The following ZNF704 variants were observed in gnomAD, a reference collection of about 807,000 sequenced individuals.
ZNF704 encodes zinc finger protein 704, also known as glucocorticoid induced gene 1.
Under a neutral mutation model 44.7 loss-of-function variants are expected in ZNF704, and 10 were observed. That is an observed-to-expected ratio of 0.22 (90% CI 0.14 to 0.38). ZNF704 has a LOEUF of 0.38. Among genes scored for constraint, ZNF704 ranks in the 10% least tolerant of loss-of-function variants. The pLI is 1.00. For synonymous variants in ZNF704, 211 were observed against 207.6 expected (o/e 1.02, Z -0.14); for missense variants, 390 against 545.5 (o/e 0.71, Z 2.84).
chr8:80,653,104 G>A (rs1276514962), intron 7 of ZNF704, among the ~76,000 whole-genome samples: 5 of 152,056 alleles, frequency 3.3e-5, no homozygotes, highest in Admixed American at 6.6e-5. Flanking sequence ...AAAGGCCTTC[G>A]ACAAAATTCA....
At chr8:80,833,016 TTAA>T (rs1808494961) in intron 1 of ZNF704, among the ~76,000 whole-genome samples, 1 of 152,190 alleles carries the variant, frequency 6.6e-6, no homozygotes, top group African/African-American at 2.4e-5. Flanking sequence ...AAAACTGATA[TTAA>T]TAATAAAAAC....
intron 2 of ZNF704, among the ~76,000 whole-genome samples, chr8:80,707,003 C>T (rs1818909870): frequency 6.6e-6 from 1 of 152,116 alleles, no homozygotes; most frequent in Non-Finnish European, 1.5e-5. Flanking sequence ...AAAACTGCAT[C>T]TTCTTTCTCC....
chr8:80,672,044 G>C (rs532165575), intron 4 of ZNF704, among the ~76,000 whole-genome samples: 1 of 152,166 alleles, frequency 6.6e-6, no homozygotes, highest in South Asian at 2.1e-4. Context: ...AAATGCAAGT[G>C]TATTGAAATA....
At chr8:80,741,469 C>T (rs1183180799) in intron 2 of ZNF704, among the ~76,000 whole-genome samples, 1 of 152,168 alleles carries the variant, frequency 6.6e-6, no homozygotes, top group Non-Finnish European at 1.5e-5. Context: ...CAGGTAGTGG[C>T]AGCAGTAGCA....
intron 4 of ZNF704, among the ~76,000 whole-genome samples, chr8:80,679,893 G>T (rs563503229): frequency 6.6e-6 from 1 of 152,344 alleles, no homozygotes; most frequent in African/African-American, 2.4e-5. Context: ...CAACATTGAT[G>T]CTGTGGGCCA....
intron 2 of ZNF704, among the ~76,000 whole-genome samples, chr8:80,813,539 G>A (rs1808124712): frequency 6.6e-6 from 1 of 151,962 alleles, no homozygotes; most frequent in Non-Finnish European, 1.5e-5. Flanking sequence ...CATACTACAT[G>A]GGCCAAATTT....
At position 80,666,115 on chromosome 8, in the gene ZNF704, G is replaced by A. The variant is rs1215582946; in HGVS notation, c.660-1033C>T. ...ATCTCCCAACGCTATCCCTTCCCCC[G>A]CCCCCCACCCCACCACAGTCCCCAG... On this transcript the variant is annotated intron_variant, in intron 5 of 8. Coordinates refer to ENST00000327835, the MANE Select transcript of ZNF704 (RefSeq NM_001033723.3). Among the ~76,000 whole-genome samples, 6 of 95,324 alleles carry A rather than the reference G, an allele frequency of 6.3e-5. No individual in the cohort carries two copies. The Admixed American group carries it at 8.6e-4, about 14-fold the overall frequency. The allele number at this position is 95,324 out of a possible 152,430, so 62.5% of individuals were successfully genotyped here. A position where few individuals can be genotyped will look rare whatever the true frequency, so the allele number is the denominator to read the frequency against.
chr8:80,881,025 T>C, the ZNF704 span, among the ~76,000 whole-genome samples: 1 of 152,238 alleles, frequency 6.6e-6, no homozygotes, highest in African/African-American at 2.4e-5. Flanking sequence ...GCAGTATCTG[T>C]CATGCTTCTC....
intron 5 of ZNF704, among the ~76,000 whole-genome samples, chr8:80,670,028 G>C (rs575807295): frequency 6.6e-6 from 1 of 152,300 alleles, no homozygotes; most frequent in Non-Finnish European, 1.5e-5. Flanking sequence ...ATATATGCTT[G>C]TGAGGCTTAA....
chr8:80,829,010 T>C (rs1448868987), intron 1 of ZNF704, among the ~76,000 whole-genome samples: 1 of 152,144 alleles, frequency 6.6e-6, no homozygotes, highest in Admixed American at 6.5e-5. Context: ...TATACCCAGC[T>C]CCACAGGAAG....
chr8:80,671,730 A>C (rs1017629340), intron 4 of ZNF704, among the ~76,000 whole-genome samples: 3 of 152,288 alleles, frequency 2.0e-5, no homozygotes, highest in Middle Eastern at 3.4e-3. Flanking sequence ...ACACAGCTAG[A>C]CCTTGATTCC....
At chr8:80,756,032 C>G (rs1350691707) in intron 2 of ZNF704, among the ~76,000 whole-genome samples, 1 of 151,788 alleles carries the variant, frequency 6.6e-6, no homozygotes, top group Admixed American at 6.6e-5. Flanking sequence ...TGGCTTTAGC[C>G]TGGGAGAGCA....
At chr8:80,858,363 A>G (rs182116461) in intron 1 of ZNF704, among the ~76,000 whole-genome samples, 32 of 152,272 alleles carry the variant, frequency 2.1e-4, no homozygotes, top group African/African-American at 7.7e-4. Context: ...TTGATGATGC[A>G]TTTTCCTTTT....
intron 1 of ZNF704, among the ~76,000 whole-genome samples, chr8:80,873,361 G>A (rs1050904328): frequency 6.6e-6 from 1 of 152,052 alleles, no homozygotes; most frequent in African/African-American, 2.4e-5. Flanking sequence ...CAAGGCGCAG[G>A]CAAATCAACA....
chr8:80,838,689 A>G (rs1403320977), intron 1 of ZNF704, among the ~76,000 whole-genome samples: 1 of 144,544 alleles, frequency 6.9e-6, no homozygotes, highest in Non-Finnish European at 1.5e-5. Flanking sequence ...GAGGAGGAGG[A>G]GGGGAGCAGA....
In ZNF704 at chr8:80,704,580, C is replaced by T. The variant is rs149219399; in HGVS notation, c.222-11473G>A. Among the ~76,000 whole-genome samples, 11 of 152,250 alleles carry T rather than the reference C, an allele frequency of 7.2e-5. 1 individual carries two copies. The East Asian group carries it at 2.1e-3, about 29-fold the overall frequency. On this transcript the variant is annotated intron_variant, in intron 2 of 8. Transcript: ENST00000327835. ...GAGGGTTGGACTTCCGGGCACCGAC[C>T]CCGACCCCAACCTCTGGGGGTGGTG...
At chr8:80,756,108 C>CA (rs112305520) in intron 2 of ZNF704, among the ~76,000 whole-genome samples, 21,620 of 135,918 alleles carry the variant, frequency 0.16, 2,809 homozygotes, top group African/African-American at 0.36. Flanking sequence ...GACCTCGTCT[C>CA]AAAAAAAAAA....
chr8:80,750,897 C>T (rs576488610), intron 2 of ZNF704, among the ~76,000 whole-genome samples: 10 of 152,130 alleles, frequency 6.6e-5, no homozygotes, highest in South Asian at 2.1e-4. Context: ...GATGGCACAG[C>T]GCTGAAGAGT....
intron 2 of ZNF704, among the ~76,000 whole-genome samples, chr8:80,726,779 C>T (rs1585983544): frequency 6.6e-6 from 1 of 151,932 alleles, no homozygotes; most frequent in Admixed American, 6.6e-5. Flanking sequence ...CTTGAAAGTA[C>T]ATCATCTAAT....
Sources: gnomAD v4.1 joint callset for allele counts (sites outside exome capture counted in the v4.1 genomes callset) on GRCh38, gnomAD v4.1.1 for gene constraint, MANE v1.5 for transcripts, NCBI Gene and HGNC (gene_info 2026-07-23, HGNC 2026-07-21) for gene names.